BICC1: variants seen among roughly 807,000 people sequenced by gnomAD.
BICC1 encodes BicC family RNA binding protein 1.
BICC1 carries 43 observed loss-of-function variants against 111.0 expected under a neutral mutation model. That is an observed-to-expected ratio of 0.39 (90% CI 0.30 to 0.50). The LOEUF (loss-of-function observed/expected upper bound fraction) is 0.50. Ranked by LOEUF, BICC1 falls within the 20% of genes least tolerant of loss-of-function variation. BICC1 has a pLI of 0.88. For synonymous variants in BICC1, 467 were observed against 434.4 expected, an observed-to-expected ratio of 1.07 and a Z score of -0.93; for missense variants, 1,091 against 1,203.2, an observed-to-expected ratio of 0.91 and a Z score of 1.38.
chr10:58,692,481 A>AT (rs1839939088), intron 2 of BICC1, among the ~76,000 whole-genome samples: 1 of 152,198 alleles, frequency 6.6e-6, no homozygotes, highest in African/African-American at 2.4e-5. Context: ...AGCCTTTAAA[A>AT]TTTTTTGTCA....
intron 1 of BICC1, among the ~76,000 whole-genome samples, chr10:58,592,663 C>T (rs1302919027): frequency 2.7e-5 from 4 of 150,608 alleles, no homozygotes; most frequent in Non-Finnish European, 4.4e-5. Context: ...AGCAGTGAGC[C>T]AAGATCATGC....
chr10:58,761,204 T>C (rs544742858), intron 3 of BICC1, among the ~76,000 whole-genome samples: 2 of 152,252 alleles, frequency 1.3e-5, no homozygotes, highest in Admixed American at 1.3e-4. Flanking sequence ...TGTGTGAAAG[T>C]ACATGATGCT....
At chr10:58,531,989 G>T (rs192669878) in intron 1 of BICC1, among the ~76,000 whole-genome samples, 2 of 151,866 alleles carry the variant, frequency 1.3e-5, no homozygotes, top group African/African-American at 2.4e-5. Flanking sequence ...GAATATAGAG[G>T]AAATGAGGGA....
chr10:58,669,681 A>T (rs1839122130), intron 2 of BICC1, among the ~76,000 whole-genome samples: 1 of 152,160 alleles, frequency 6.6e-6, no homozygotes, highest in African/African-American at 2.4e-5. Context: ...TAGGTCCCAC[A>T]TAGCTGCCAG....
At chr10:58,564,062 A>C (rs552710260) in intron 1 of BICC1, among the ~76,000 whole-genome samples, 1 of 152,330 alleles carries the variant, frequency 6.6e-6, no homozygotes, top group African/African-American at 2.4e-5. Flanking sequence ...ACTATATTTT[A>C]AGCTAATCTT....
chr10:58,801,029 G>T lies in BICC1; in HGVS notation c.1998G>T (p.Thr666=). The change falls in exon 14 of 21, where the codon ACG becomes ACT. Residue 666 remains threonine (T), a synonymous_variant. Coordinates refer to ENST00000373886, the MANE Select transcript of BICC1 (RefSeq NM_001080512.3). ...AGACAGTGGAACTATTGCAAGGCAC[G>T]AAAAACTCACACTTACAGTATGTAT... ...KRQTVELLQG[T]KNSHLHSTDR... 1 of 1,606,030 alleles carries T rather than the reference G, an allele frequency of 6.2e-7. No individual in the cohort carries two copies. The highest frequency in any genetic ancestry group is 8.5e-7 in the Non-Finnish European group (1 of 1,177,064).
At chr10:58,512,722 G>C (rs1043771957), upstream of BICC1, among the ~76,000 whole-genome samples, 2 of 151,756 alleles carry the variant, frequency 1.3e-5, no homozygotes, top group Non-Finnish European at 2.9e-5. Context: ...GTGTGTGTGT[G>C]CGCGCGCGAG....
intron 1 of BICC1, among the ~76,000 whole-genome samples, chr10:58,608,461 A>C (rs770504512): frequency 7.9e-5 from 12 of 152,356 alleles, no homozygotes; most frequent in South Asian, 6.2e-4. Flanking sequence ...GAGTATTCAC[A>C]GCATTGTCTC....
At chr10:58,537,919 G>C (rs542396223) in intron 1 of BICC1, among the ~76,000 whole-genome samples, 3 of 151,936 alleles carry the variant, frequency 2.0e-5, no homozygotes, top group South Asian at 2.1e-4. Flanking sequence ...AACCAAGGAA[G>C]TGAAACATCT....
rs900735708 is a variant in BICC1 at position 58,820,066 on chromosome 10, T to C, written c.2695-303T>C. Among the ~76,000 whole-genome samples the C allele has an allele frequency of 3.9e-5, 6 of 152,252 alleles. No individual in the cohort carries two copies. In the East Asian group the frequency reaches 7.7e-4, roughly 20 times the overall value. On this transcript the variant is annotated intron_variant, in intron 19 of 20. Coordinates refer to ENST00000373886, the MANE Select transcript of BICC1 (RefSeq NM_001080512.3). ...ATTTAAAATCCCAACCTAAGAAATATTTTTCTCTTCTCTGAACAGATAATG... is the reference window on the plus strand; with the variant it reads ...ATTTAAAATCCCAACCTAAGAAATACTTTTCTCTTCTCTGAACAGATAATG...
intron 3 of BICC1, 42 bp from the exon 4 acceptor site, chr10:58,784,959 A>T: frequency 9.1e-7 from 1 of 1,102,738 alleles, no homozygotes; most frequent in South Asian, 1.4e-5. Context: ...TTTTAAACAG[A>T]GTTTGGGAGT....
At chr10:58,651,787 GT>G (rs1838457551) in intron 2 of BICC1, among the ~76,000 whole-genome samples, 1 of 152,004 alleles carries the variant, frequency 6.6e-6, no homozygotes, top group African/African-American at 2.4e-5. Context: ...TTGAAAATAA[GT>G]TATTTCCCCA....
At chr10:58,825,553 G>T (rs1261832087) in intron 20 of BICC1, among the ~76,000 whole-genome samples, 3 of 152,142 alleles carry the variant, frequency 2.0e-5, no homozygotes, top group Non-Finnish European at 4.4e-5. Flanking sequence ...ACCACTGGCA[G>T]CAGAGAGAAA....
chr10:58,629,864 A>T (rs949552560), intron 2 of BICC1, among the ~76,000 whole-genome samples: 1 of 152,144 alleles, frequency 6.6e-6, no homozygotes, highest in Non-Finnish European at 1.5e-5. Context: ...GGCCAATTCA[A>T]TTCTTTAACC....
chr10:58,801,564 A>G (rs899576087), intron 14 of BICC1, among the ~76,000 whole-genome samples: 12 of 150,930 alleles, frequency 8.0e-5, no homozygotes, highest in African/African-American at 2.7e-4. Flanking sequence ...CTTCCTTACC[A>G]TAGCACAGTT....
intron 1 of BICC1, among the ~76,000 whole-genome samples, chr10:58,525,520 C>T (rs971478098): frequency 1.6e-5 from 2 of 126,422 alleles, no homozygotes; most frequent in African/African-American, 6.0e-5. Flanking sequence ...AATGAGAACA[C>T]GTGGACACAG....
At chr10:58,564,552 T>C (rs1589102406) in intron 1 of BICC1, among the ~76,000 whole-genome samples, 1 of 152,328 alleles carries the variant, frequency 6.6e-6, no homozygotes, top group East Asian at 1.9e-4. Flanking sequence ...CATTATGCTG[T>C]TTTCTACCTT....
At chr10:58,708,349 A>G (rs1840462680) in intron 3 of BICC1, among the ~76,000 whole-genome samples, 3 of 151,894 alleles carry the variant, frequency 2.0e-5, no homozygotes, top group South Asian at 4.2e-4. Flanking sequence ...ATATTTCAAT[A>G]CAAGTATACC....
At chr10:58,684,178 T>G (rs1022920219) in intron 2 of BICC1, among the ~76,000 whole-genome samples, 1 of 152,198 alleles carries the variant, frequency 6.6e-6, no homozygotes, top group Admixed American at 6.5e-5. Flanking sequence ...GGATTATGTT[T>G]ATTGGTTTGC....
Sources: allele counts gnomAD v4.1 joint callset (sites outside exome capture counted in the v4.1 genomes callset), GRCh38; gene constraint gnomAD v4.1.1; transcripts MANE v1.5; gene names NCBI Gene and HGNC (gene_info 2026-07-23, HGNC 2026-07-21).